The following SMG6 variants were observed in gnomAD, a reference collection of about 807,000 sequenced individuals.
The protein encoded by SMG6 is SMG6 nonsense mediated mRNA decay factor.
In SMG6, 66 loss-of-function variants were observed where a neutral mutation model predicts 142.2. That is an observed-to-expected ratio of 0.46 (90% confidence interval 0.38 to 0.57). The LOEUF (loss-of-function observed/expected upper bound fraction) is 0.57. Ranked by LOEUF, SMG6 falls within the 20% of genes least tolerant of loss-of-function variation. The pLI, the probability that SMG6 is intolerant of heterozygous loss-of-function variation, is 0.00. For missense variants in SMG6, 1,793 were observed against 1,832.0 expected (o/e 0.98, Z 0.39); for synonymous variants, 779 against 702.4 (o/e 1.11, Z -1.72).
intron 13 of SMG6, among the ~76,000 whole-genome samples, chr17:2,104,202 C>T (rs948203547): frequency 2.0e-5 from 3 of 152,068 alleles, no homozygotes; most frequent in East Asian, 1.9e-4. Context: ...CCGCCCACCT[C>T]GGCCTCCCAA....
chr17:2,067,345 T>C (rs1458843745), intron 16 of SMG6, among the ~76,000 whole-genome samples: 1 of 152,166 alleles, frequency 6.6e-6, no homozygotes, highest in Non-Finnish European at 1.5e-5. Flanking sequence ...CAAAAAACCC[T>C]GGCAGCCTGG....
At chr17:2,109,790 T>C (rs1313166307) in intron 13 of SMG6, among the ~76,000 whole-genome samples, 1 of 151,938 alleles carries the variant, frequency 6.6e-6, no homozygotes, top group African/African-American at 2.4e-5. Flanking sequence ...CCCTAAACTT[T>C]AAAAAAATTG....
At position 2,060,987 on chromosome 17, in the gene SMG6, G is replaced by A. The variant is rs1019738548; in HGVS notation, c.*505C>T. ...GCGAGTCCAGGCCTCAGGGAGACTG[G>A]GGACACACACCCTGGGCACTTCTTC... On this transcript the variant is annotated 3_prime_UTR_variant, in exon 19 of 19. Coordinates refer to ENST00000263073, the MANE Select transcript of SMG6 (RefSeq NM_017575.5). 6.4e-6 allele frequency: 1 copy of A among 155,220 alleles called. No homozygotes were observed. Among genetic ancestry groups the A allele is most frequent in the Non-Finnish European group, 1.4e-5 (1 of 69,786 alleles). 9.6% of individuals were successfully genotyped at this position (155,220 alleles called of 1,614,324 possible).
intron 13 of SMG6, among the ~76,000 whole-genome samples, chr17:2,102,420 G>A (rs375194983): frequency 4.0e-5 from 6 of 151,390 alleles, no homozygotes; most frequent in African/African-American, 1.5e-4. Context: ...GCAGTGGTGT[G>A]ATCAAGACTC....
chr17:2,097,895 T>C (rs2068899159), intron 13 of SMG6, among the ~76,000 whole-genome samples: 1 of 152,222 alleles, frequency 6.6e-6, no homozygotes, highest in African/African-American at 2.4e-5. Context: ...CCCTCCCATT[T>C]CTATCGGGGA....
intron 8 of SMG6, among the ~76,000 whole-genome samples, chr17:2,277,719 G>T (rs2074693349): frequency 6.6e-6 from 1 of 152,160 alleles, no homozygotes; most frequent in South Asian, 2.1e-4. Flanking sequence ...GTTGCAGATT[G>T]TTATACATAG....
chr17:2,169,133 T>TGG (rs988201704), intron 13 of SMG6, among the ~76,000 whole-genome samples: 1 of 150,782 alleles, frequency 6.6e-6, no homozygotes, highest in Non-Finnish European at 1.5e-5. Flanking sequence ...TAGCTGGTCA[T>TGG]GGTGGCGTGC....
chr17:2,146,371 C>T (rs1479000296), intron 13 of SMG6, among the ~76,000 whole-genome samples: 1 of 152,174 alleles, frequency 6.6e-6, no homozygotes, highest in East Asian at 1.9e-4. Context: ...TCAGAGGAGG[C>T]AACCCCATAC....
At chr17:2,228,302 C>T (rs2073374041) in intron 10 of SMG6, among the ~76,000 whole-genome samples, 3 of 152,080 alleles carry the variant, frequency 2.0e-5, no homozygotes, top group Admixed American at 1.3e-4. Flanking sequence ...AATCTTGGCT[C>T]ACTGCAACCT....
intron 10 of SMG6, among the ~76,000 whole-genome samples, chr17:2,228,625 A>C (rs963102741): frequency 6.6e-6 from 1 of 151,058 alleles, no homozygotes; most frequent in African/African-American, 2.4e-5. Context: ...GGCCTCCCAA[A>C]GTGCTGGGAT....
chr17:2,077,109 AT>A (rs1210255025), intron 15 of SMG6, among the ~76,000 whole-genome samples: 1 of 152,136 alleles, frequency 6.6e-6, no homozygotes, highest in Non-Finnish European at 1.5e-5. Context: ...CACACTTCAA[AT>A]CACTTGTCAA....
Position 2,087,425 on chromosome 17 carries a change from C to T in SMG6, c.3358-1524G>A, listed in dbSNP as rs934351991. On this transcript the variant is annotated intron_variant, in intron 13 of 18. Transcript: ENST00000263073. ...CACCTTCACCAAAAAGCCAACCCCG[C>T]TTTCCTACACGGTCTAGGAGTGTTC... 5.9e-6 allele frequency: 7 copies of T among 1,185,892 alleles called. No individual in the cohort carries two copies. The African/African-American group carries it at 1.1e-4, about 19-fold the overall frequency. 73.5% of individuals were successfully genotyped at this position (1,185,892 alleles called of 1,614,324 possible).
At chr17:2,227,746 A>T (rs1411050341) in intron 10 of SMG6, among the ~76,000 whole-genome samples, 1 of 152,248 alleles carries the variant, frequency 6.6e-6, no homozygotes. Context: ...TTACTTCAAC[A>T]AAATTCATTT....
intron 9 of SMG6, among the ~76,000 whole-genome samples, chr17:2,238,570 C>T (rs2073725634): frequency 1.3e-5 from 2 of 152,240 alleles, no homozygotes; most frequent in African/African-American, 4.8e-5. Context: ...GCAGCGTTCA[C>T]TCTGCTTGAA....
intron 10 of SMG6, among the ~76,000 whole-genome samples, chr17:2,201,408 T>C (rs1172183754): frequency 6.6e-6 from 1 of 152,170 alleles, no homozygotes; most frequent in Non-Finnish European, 1.5e-5. Context: ...CAATGTTAAA[T>C]GAGACCGGGG....
intron 13 of SMG6, among the ~76,000 whole-genome samples, chr17:2,123,323 C>A (rs2069763603): frequency 6.6e-6 from 1 of 152,206 alleles, no homozygotes; most frequent in Admixed American, 6.5e-5. Flanking sequence ...TCTTCCACTT[C>A]TGGAGACTCC....
At chr17:2,270,171 A>G in intron 8 of SMG6, among the ~76,000 whole-genome samples, 1 of 152,206 alleles carries the variant, frequency 6.6e-6, no homozygotes, top group Non-Finnish European at 1.5e-5. Context: ...ATTTGAGGGC[A>G]ATTACTCAGA....
At chr17:2,271,134 T>TG (rs1283122844) in intron 8 of SMG6, among the ~76,000 whole-genome samples, 7 of 141,696 alleles carry the variant, frequency 4.9e-5, no homozygotes, top group Non-Finnish European at 9.1e-5. Context: ...TTTTTTTTTT[T>TG]GAGACAGTCT....
At chr17:2,094,952 A>AGC (rs1185967043) in intron 13 of SMG6, 1 of 152,214 alleles carries the variant, frequency 6.6e-6, no homozygotes, top group Non-Finnish European at 1.5e-5. Context: ...CAGCGGCAAA[A>AGC]GCGTCACAGA....
Sources: gnomAD v4.1 joint callset for allele counts (sites outside exome capture counted in the v4.1 genomes callset) on GRCh38, gnomAD v4.1.1 for gene constraint, MANE v1.5 for transcripts, NCBI Gene and HGNC (gene_info 2026-07-23, HGNC 2026-07-21) for gene names.